FBXL5: variants seen among roughly 807,000 people sequenced by gnomAD.
FBXL5 encodes F-box/LRR-repeat protein 5.
A neutral mutation model predicts 78.3 loss-of-function variants in FBXL5; 26 were observed. The ratio of observed to expected loss-of-function variants is 0.33; its 90% confidence interval spans 0.24 to 0.46. The LOEUF is 0.46. Ranked by LOEUF, FBXL5 falls within the 20% of genes least tolerant of loss-of-function variation. The probability of loss-of-function intolerance (pLI) is 1.00; values close to 1 mark genes in which losing one functional copy is unlikely to be tolerated. For missense variants in FBXL5, 710 were observed against 829.2 expected (o/e 0.86, Z 1.77); for synonymous variants, 295 against 282.5 (o/e 1.04, Z -0.45).
rs1378359052 is a variant in FBXL5, at chr4:15,638,662, G to C, written c.429C>G (p.Thr143=). The C allele has an allele frequency of 6.2e-7, 1 of 1,600,864 alleles. No homozygotes were observed. Among genetic ancestry groups the C allele is most frequent in the South Asian group, 1.1e-5 (1 of 87,858 alleles). The part of the protein sequence containing the change: ...VFQPMLMEYF[T]YEELKDIKKK... ...TTTTAATATCCTTAAGCTCTTCATA[G>C]GTAAAATATTCCATTAACATGGGCT... Residue 143 remains threonine (T), a synonymous_variant, in exon 4 of 11, where the codon ACC becomes ACG. Transcript: ENST00000341285.
chr4:15,627,632 G>A (rs1713203349), intron 7 of FBXL5, among the ~76,000 whole-genome samples: 1 of 152,134 alleles, frequency 6.6e-6, no homozygotes, highest in South Asian at 2.1e-4. Context: ...CTGTGAAACT[G>A]AATAAAATGT....
chr4:15,628,804 C>T (rs1172444963), intron 6 of FBXL5, among the ~76,000 whole-genome samples: 4 of 148,170 alleles, frequency 2.7e-5, no homozygotes, highest in East Asian at 2.0e-4. Flanking sequence ...CACACACACA[C>T]GAAGATAAAA....
At chr4:15,650,661 CTTTTTTTTTTTTTT>C (rs34334098) in intron 1 of FBXL5, among the ~76,000 whole-genome samples, 1 of 77,884 alleles carries the variant, frequency 1.3e-5, no homozygotes, top group Admixed American at 1.6e-4. Context: ...AACTGACTTT[CTTTTTTTTTTTTTT>C]TTTTTTTTTT....
chr4:15,640,061 G>A (rs1328072228), intron 3 of FBXL5, among the ~76,000 whole-genome samples: 1 of 152,094 alleles, frequency 6.6e-6, no homozygotes, highest in African/African-American at 2.4e-5. Flanking sequence ...TTTGTTTGGA[G>A]ACACGGTCTT....
chr4:15,669,464 G>A (rs943732335), intron 1 of FBXL5, among the ~76,000 whole-genome samples: 5 of 152,094 alleles, frequency 3.3e-5, no homozygotes, highest in Admixed American at 2.6e-4. Flanking sequence ...AATATCTATT[G>A]CTAGATAATA....
intron 1 of FBXL5, among the ~76,000 whole-genome samples, chr4:15,665,016 G>A (rs1324162504): frequency 6.6e-6 from 1 of 152,048 alleles, no homozygotes; most frequent in African/African-American, 2.4e-5. Flanking sequence ...TTAATGCAAA[G>A]GGCTTCTGAA....
chr4:15,618,704 T>C (rs10939627), intron 9 of FBXL5, among the ~76,000 whole-genome samples: 114,666 of 151,912 alleles, frequency 0.75, 43,530 homozygotes, highest in East Asian at 0.91. Context: ...TAGCTGGGCG[T>C]GGTGGCACGT....
chr4:15,645,434 T>C (rs1715255258), intron 1 of FBXL5, among the ~76,000 whole-genome samples: 1 of 152,128 alleles, frequency 6.6e-6, no homozygotes, highest in Admixed American at 6.6e-5. Flanking sequence ...TTTTCTTTCT[T>C]TCTTTTTTTT....
chr4:15,611,113 C>A (rs1722226083), intron 10 of FBXL5, among the ~76,000 whole-genome samples: 1 of 151,776 alleles, frequency 6.6e-6, no homozygotes, highest in Non-Finnish European at 1.5e-5. Context: ...TTGGCCATTC[C>A]TTGATTATAC....
At chr4:15,634,416 G>C (rs1714026377) in intron 5 of FBXL5, among the ~76,000 whole-genome samples, 1 of 151,420 alleles carries the variant, frequency 6.6e-6, no homozygotes. Flanking sequence ...GCCCAGGCTG[G>C]AGTGCAATGG....
intron 2 of FBXL5, among the ~76,000 whole-genome samples, chr4:15,642,353 C>T (rs962102830): frequency 6.6e-6 from 1 of 151,610 alleles, no homozygotes; most frequent in Non-Finnish European, 1.5e-5. Context: ...CCACCTCAGT[C>T]TCCTGAGTAG....
intron 9 of FBXL5, among the ~76,000 whole-genome samples, chr4:15,616,315 C>T (rs1711865935): frequency 1.3e-5 from 2 of 152,342 alleles, no homozygotes; most frequent in African/African-American, 2.4e-5. Flanking sequence ...TACAGGTCAC[C>T]CGGGAAGTGG....
At chr4:15,666,804 G>A (rs1030961559) in intron 1 of FBXL5, among the ~76,000 whole-genome samples, 3 of 151,690 alleles carry the variant, frequency 2.0e-5, no homozygotes, top group African/African-American at 7.3e-5. Context: ...CTGGGTGACA[G>A]AGCTGCTACC....
Position 15,625,401 on chromosome 4 carries a change from A to G in FBXL5, c.1701T>C (p.Ser567=), listed in dbSNP as rs1433465042. The G allele has an allele frequency of 1.9e-6, 3 of 1,614,038 alleles. No homozygotes were observed. Among genetic ancestry groups the G allele is most frequent in the East Asian group, 2.2e-5 (1 of 44,884 alleles). ...TCCTTGCTGCTTTTCTACACATTGC[A>G]GAAGATTCTGGGAGTGATGACATAG... ...LRTMSSLPES[S]AMCRKAARTR... The change falls in exon 9 of 11, where the codon TCT becomes TCC. Residue 567 remains serine, a synonymous_variant. Coordinates refer to ENST00000341285, the MANE Select transcript of FBXL5 (RefSeq NM_012161.4).
intron 10 of FBXL5, among the ~76,000 whole-genome samples, chr4:15,609,497 T>C (rs1447574128): frequency 6.6e-6 from 1 of 152,044 alleles, no homozygotes; most frequent in Non-Finnish European, 1.5e-5. Context: ...ATTAGAAACA[T>C]AAAAGAGCAC....
intron 1 of FBXL5, among the ~76,000 whole-genome samples, chr4:15,647,480 G>A (rs1304035514): frequency 2.0e-5 from 3 of 152,098 alleles, no homozygotes; most frequent in Non-Finnish European, 1.5e-5. Context: ...CACAAAATAG[G>A]AGGATACCAA....
At chr4:15,645,584 C>T (rs1715272339) in intron 1 of FBXL5, among the ~76,000 whole-genome samples, 1 of 152,094 alleles carries the variant, frequency 6.6e-6, no homozygotes, top group Non-Finnish European at 1.5e-5. Context: ...CTCGCCACCA[C>T]GCCCGGCTAA....
chr4:15,611,040 A>AATGACATTCACTTTCACCAACTACG (rs1433124628), intron 10 of FBXL5, among the ~76,000 whole-genome samples: 128 of 152,206 alleles, frequency 8.4e-4, no homozygotes, highest in African/African-American at 2.8e-3. Flanking sequence ...TTGCAACTAC[A>AATGACATTCACTTTCACCAACTACG]ATGACATTCA....
chr4:15,640,662 A>G, intron 3 of FBXL5, 126 bp downstream of exon 3: 1 of 459,888 alleles, frequency 2.2e-6, no homozygotes, highest in Admixed American at 4.1e-5. Context: ...TTTCCCAAAA[A>G]GAACTGCGTT....
Sources: allele counts gnomAD v4.1 joint callset (sites outside exome capture counted in the v4.1 genomes callset), GRCh38; gene constraint gnomAD v4.1.1; transcripts MANE v1.5; gene names NCBI Gene and HGNC (gene_info 2026-07-23, HGNC 2026-07-21).